Variants in CADM2 observed in about 807,000 individuals in gnomAD.
CADM2 encodes cell adhesion molecule 2, also known as immunoglobulin superfamily member 4D.
Under a neutral mutation model 49.8 loss-of-function variants are expected in CADM2, and 12 were observed. That is an observed-to-expected ratio of 0.24 (90% CI 0.15 to 0.39). The LOEUF is 0.39. Among genes scored for constraint, CADM2 ranks in the 10% least tolerant of loss-of-function variants. The pLI is 1.00. For synonymous variants in CADM2, 214 were observed against 175.4 expected (o/e 1.22, Z -1.74); for missense variants, 378 against 492.3 (o/e 0.77, Z 2.20).
chr3:84,982,697 T>G (rs2107141333), intron 1 of CADM2, among the ~76,000 whole-genome samples: 1 of 80,050 alleles, frequency 1.2e-5, no homozygotes, highest in Admixed American at 1.4e-4. Flanking sequence ...TTGAAAACTA[T>G]AAAGCATATA....
intron 1 of CADM2, among the ~76,000 whole-genome samples, chr3:85,494,506 G>C (rs2107653035): frequency 6.6e-6 from 1 of 152,218 alleles, no homozygotes; most frequent in African/African-American, 2.4e-5. Flanking sequence ...TTTGTATAAA[G>C]TGTTCACTCC....
chr3:85,071,499 A>G (rs1016653994), intron 1 of CADM2, among the ~76,000 whole-genome samples: 1 of 152,190 alleles, frequency 6.6e-6, no homozygotes, highest in Non-Finnish European at 1.5e-5. Context: ...GTAAGGTGCC[A>G]ATATCAGACA....
chr3:85,085,968 G>C (rs571879356), intron 1 of CADM2, among the ~76,000 whole-genome samples: 1 of 152,036 alleles, frequency 6.6e-6, no homozygotes, highest in South Asian at 2.1e-4. Context: ...ACTGCACATC[G>C]TCATAATGGG....
intron 3 of CADM2, among the ~76,000 whole-genome samples, chr3:85,852,042 C>A (rs754217822): frequency 1.3e-5 from 2 of 151,998 alleles, no homozygotes; most frequent in Non-Finnish European, 2.9e-5. Context: ...AGGTCTGAGG[C>A]TTATCCGTAT....
chr3:85,377,475 G>A (rs918204275), intron 1 of CADM2, among the ~76,000 whole-genome samples: 1 of 152,040 alleles, frequency 6.6e-6, no homozygotes, highest in Admixed American at 6.6e-5. Context: ...AACCTCACAG[G>A]TAAACCTATC....
At chr3:85,390,911 A>C (rs894723422) in intron 1 of CADM2, among the ~76,000 whole-genome samples, 3 of 152,100 alleles carry the variant, frequency 2.0e-5, no homozygotes, top group Non-Finnish European at 4.4e-5. Flanking sequence ...TCCCTGGGGC[A>C]GCTACTCACT....
At chr3:85,902,472 A>C (rs1716257735) in intron 5 of CADM2, among the ~76,000 whole-genome samples, 1 of 151,878 alleles carries the variant, frequency 6.6e-6, no homozygotes, top group Non-Finnish European at 1.5e-5. Context: ...ACAGTTTTAT[A>C]ATCTCGGCTT....
At chr3:85,636,967 G>A (rs1165057047) in intron 1 of CADM2, among the ~76,000 whole-genome samples, 1 of 152,090 alleles carries the variant, frequency 6.6e-6, no homozygotes, top group African/African-American at 2.4e-5. Context: ...GACTGCACTT[G>A]TTAGTTCATT....
chr3:85,767,349 T>A (rs2069711768), intron 2 of CADM2, among the ~76,000 whole-genome samples: 1 of 152,148 alleles, frequency 6.6e-6, no homozygotes, highest in African/African-American at 2.4e-5. Context: ...AATGATAAAG[T>A]GTGCTTAAGC....
chr3:85,000,504 G>T (rs2033410616), intron 1 of CADM2, among the ~76,000 whole-genome samples: 1 of 151,932 alleles, frequency 6.6e-6, no homozygotes, highest in Non-Finnish European at 1.5e-5. Flanking sequence ...ACTTTTCTAA[G>T]TAAAATATCT....
chr3:85,727,303 C>T (rs1221833481), intron 2 of CADM2, among the ~76,000 whole-genome samples: 1 of 152,020 alleles, frequency 6.6e-6, no homozygotes, highest in Non-Finnish European at 1.5e-5. Context: ...TCTAGTTTTA[C>T]AGCTAGTTTT....
intron 1 of CADM2, among the ~76,000 whole-genome samples, chr3:85,385,116 G>A (rs990995491): frequency 6.6e-6 from 1 of 151,926 alleles, no homozygotes. Flanking sequence ...TGTATATTTA[G>A]TATAGATGGG....
At chr3:85,126,250 T>C (rs1359667559) in intron 1 of CADM2, among the ~76,000 whole-genome samples, 2 of 152,314 alleles carry the variant, frequency 1.3e-5, no homozygotes, top group African/African-American at 2.4e-5. Context: ...TAATTCTTTT[T>C]TGAATTTAAA....
At chr3:85,483,638 A>G (rs2039303153) in intron 1 of CADM2, among the ~76,000 whole-genome samples, 1 of 150,346 alleles carries the variant, frequency 6.7e-6, no homozygotes, top group Non-Finnish European at 1.5e-5. Flanking sequence ...TATGTAGTCA[A>G]GTTATATATA....
chr3:85,028,903 A>G (rs2034852111), intron 1 of CADM2, among the ~76,000 whole-genome samples: 1 of 151,910 alleles, frequency 6.6e-6, no homozygotes, highest in Non-Finnish European at 1.5e-5. Flanking sequence ...GAATATGTAT[A>G]GCTTATTAAT....
chr3:85,250,879 A>G (rs1281965046), intron 1 of CADM2, among the ~76,000 whole-genome samples: 1 of 151,750 alleles, frequency 6.6e-6, no homozygotes, highest in Non-Finnish European at 1.5e-5. Flanking sequence ...AATAAATAAA[A>G]TAGCTTACAT....
At chr3:85,975,131 C>A (rs1344604387) in intron 8 of CADM2, among the ~76,000 whole-genome samples, 2 of 151,268 alleles carry the variant, frequency 1.3e-5, no homozygotes, top group Admixed American at 1.3e-4. Flanking sequence ...AAGTTTAGAT[C>A]ATGAACACTG....
At chr3:85,558,716 AT>A (rs2062019964) in intron 1 of CADM2, among the ~76,000 whole-genome samples, 1 of 152,092 alleles carries the variant, frequency 6.6e-6, no homozygotes, top group South Asian at 2.1e-4. Context: ...AGAAATGTTA[AT>A]TGAAAAGCTA....
chr3:85,930,262 T>A (rs1720420035), intron 6 of CADM2, among the ~76,000 whole-genome samples: 1 of 152,158 alleles, frequency 6.6e-6, no homozygotes, highest in Non-Finnish European at 1.5e-5. Flanking sequence ...TGCAGATTAT[T>A]TGTAACAGAG....
Sources: gnomAD v4.1 joint callset for allele counts (sites outside exome capture counted in the v4.1 genomes callset) on GRCh38, gnomAD v4.1.1 for gene constraint, MANE v1.5 for transcripts, NCBI Gene and HGNC (gene_info 2026-07-23, HGNC 2026-07-21) for gene names.